The following NAA35 variants were observed in gnomAD, a reference collection of about 807,000 sequenced individuals.
NAA35 encodes the protein MAK10 homolog, amino-acid N-acetyltransferase subunit.
In NAA35, 18 loss-of-function variants were observed where a neutral mutation model predicts 101.7. The ratio of observed to expected loss-of-function variants is 0.18; its 90% CI spans 0.12 to 0.26. NAA35 has a LOEUF of 0.26. Among genes scored for constraint, NAA35 ranks in the 10% least tolerant of loss-of-function variants. The pLI is 1.00. For missense variants in NAA35, 601 were observed against 886.8 expected (o/e 0.68, Z 4.09); for synonymous variants, 267 against 273.1 (o/e 0.98, Z 0.22).
At chr9:85,984,921 A>T (rs1830587253) in intron 11 of NAA35, among the ~76,000 whole-genome samples, 1 of 152,192 alleles carries the variant, frequency 6.6e-6, no homozygotes, top group Admixed American at 6.5e-5. Context: ...AAAGCTATGG[A>T]ACTCTTAAAA....
chr9:86,017,767 G>C (rs1832301425), intron 19 of NAA35, among the ~76,000 whole-genome samples: 1 of 152,106 alleles, frequency 6.6e-6, no homozygotes, highest in African/African-American at 2.4e-5. Flanking sequence ...ACTTTGTACT[G>C]AGTACATTGC....
intron 11 of NAA35, among the ~76,000 whole-genome samples, chr9:85,989,002 T>C (rs1386624007): frequency 6.6e-6 from 1 of 152,214 alleles, no homozygotes; most frequent in East Asian, 1.9e-4. Context: ...ATTAAATCCA[T>C]GAGTGTCCAT....
chr9:85,971,519 A>G (rs1419610820), intron 6 of NAA35, among the ~76,000 whole-genome samples: 1 of 152,188 alleles, frequency 6.6e-6, no homozygotes, highest in Non-Finnish European at 1.5e-5. Flanking sequence ...GGCATTCAGT[A>G]TCAACTAACT....
intron 6 of NAA35, among the ~76,000 whole-genome samples, chr9:85,963,077 T>G (rs913232878): frequency 1.3e-5 from 2 of 152,186 alleles, no homozygotes; most frequent in African/African-American, 4.8e-5. Flanking sequence ...TATTGATAAC[T>G]ATTTTTGTTA....
At chr9:85,964,730 T>C (rs1829671379) in intron 6 of NAA35, among the ~76,000 whole-genome samples, 1 of 152,218 alleles carries the variant, frequency 6.6e-6, no homozygotes, top group African/African-American at 2.4e-5. Context: ...TTGTGCAATC[T>C]TGGCTGGAAT....
intron 19 of NAA35, among the ~76,000 whole-genome samples, chr9:86,017,923 T>G (rs1832309654): frequency 6.6e-6 from 1 of 152,158 alleles, no homozygotes; most frequent in African/African-American, 2.4e-5. Flanking sequence ...AATTTAGGTT[T>G]TTTAGGAGTG....
intron 2 of NAA35, among the ~76,000 whole-genome samples, chr9:85,956,046 C>T (rs1467223046): frequency 6.6e-6 from 1 of 152,058 alleles, no homozygotes; most frequent in Admixed American, 6.5e-5. Context: ...GTTTACTTGG[C>T]GAAATATACT....
chr9:86,010,421 C>T (rs1831852545), intron 15 of NAA35, among the ~76,000 whole-genome samples: 1 of 151,910 alleles, frequency 6.6e-6, no homozygotes, highest in African/African-American at 2.4e-5. Context: ...TTATTAGCTA[C>T]AGAGGCAGCC....
At chr9:85,974,903 T>A in intron 6 of NAA35, 64 bp from the exon 7 acceptor site, 1 of 1,119,276 alleles carries the variant, frequency 8.9e-7, no homozygotes, top group Non-Finnish European at 1.3e-6. Flanking sequence ...AGAAAAGTTT[T>A]ATATTTTGCC....
intron 2 of NAA35, among the ~76,000 whole-genome samples, chr9:85,949,648 A>G (rs2118278125): frequency 6.6e-6 from 1 of 151,690 alleles, no homozygotes; most frequent in Non-Finnish European, 1.5e-5. Flanking sequence ...CAGATCTTTC[A>G]TTGCACTTTT....
At chr9:85,967,536 G>A (rs1373677411) in intron 6 of NAA35, among the ~76,000 whole-genome samples, 1 of 152,060 alleles carries the variant, frequency 6.6e-6, no homozygotes, top group Non-Finnish European at 1.5e-5. Context: ...GGCCGGGCGC[G>A]GTGGCTCACG....
chr9:85,946,518 G>A (rs1266901082), intron 2 of NAA35, among the ~76,000 whole-genome samples: 1 of 152,104 alleles, frequency 6.6e-6, no homozygotes, highest in Non-Finnish European at 1.5e-5. Context: ...AGTCTAGGAG[G>A]ATATGGGCCC....
intron 14 of NAA35, 52 bp downstream of exon 14, chr9:86,007,516 C>G: frequency 7.4e-7 from 1 of 1,359,686 alleles, no homozygotes; most frequent in East Asian, 2.3e-5. Context: ...CTTTAAAAGC[C>G]CAACTTCTCT....
chr9:86,019,184 C>T (rs112079483), intron 21 of NAA35, among the ~76,000 whole-genome samples: 37 of 152,222 alleles, frequency 2.4e-4, no homozygotes, highest in African/African-American at 8.7e-4. Context: ...AGGGGCCAGG[C>T]GTGGTGGCTC....
rs751698413 is a variant in NAA35 at position 85,978,310 on chromosome 9, C to T, written c.806C>T (p.Ala269Val). 1 of 1,613,390 alleles carries T rather than the reference C, an allele frequency of 6.2e-7. No homozygotes were observed. The highest frequency in any genetic ancestry group is 8.5e-7 in the Non-Finnish European group (1 of 1,179,504). ...GCTCAAAAATTGATGGTTCAAGCAG[C>T]AGATCTTCTTTCTGCCATTCATAAT... Reference protein sequence around the residue: ...AEAQKLMVQAADLLSAIHNSL... With the variant: ...AEAQKLMVQAVDLLSAIHNSL... Residue 269 changes from alanine to valine, a missense_variant, in exon 11 of 23, where the codon GCA (alanine) becomes GTA (valine). Coordinates refer to ENST00000361671, the MANE Select transcript of NAA35 (RefSeq NM_024635.4).
chr9:85,966,123 T>TAAAA lies in NAA35; in HGVS notation c.516+3946_516+3947insAAAA, dbSNP rs1158626008. On this transcript the variant is annotated intron_variant, in intron 6 of 22. Transcript: ENST00000361671. ...CGTGGCTAATTTTTAATTTTTTTTG[T>TAAAA]AAAGACTGGGTTTTGCTTTGTTTGC... 7.2e-5 allele frequency among the ~76,000 whole-genome samples: 11 copies of TAAAA among 152,262 alleles called. 1 individual carries two copies. In the South Asian group the frequency reaches 1.9e-3, roughly 26 times the overall value.
chr9:86,006,530 G>A (rs190109191), intron 13 of NAA35, among the ~76,000 whole-genome samples: 1 of 152,278 alleles, frequency 6.6e-6, no homozygotes, highest in East Asian at 1.9e-4. Context: ...ATTATGCTGG[G>A]TAAAAGAAGC....
Position 86,023,250 on chromosome 9 carries a change from T to A in NAA35, c.*1290T>A, listed in dbSNP as rs536758908. 1.2e-4 allele frequency among the ~76,000 whole-genome samples: 18 copies of A among 152,200 alleles called. No homozygotes were observed. Among genetic ancestry groups the A allele is most frequent in the African/African-American group, 2.9e-4 (12 of 41,504 alleles). On this transcript the variant is annotated 3_prime_UTR_variant, in exon 23 of 23. Coordinates refer to ENST00000361671, the MANE Select transcript of NAA35 (RefSeq NM_024635.4). ...CAGAACCGAAAAATCTTAAAAAAAA[T>A]TATTTTTTAAGTAGCCTGTACAATA...
intron 11 of NAA35, among the ~76,000 whole-genome samples, chr9:85,983,406 C>G (rs1830516386): frequency 6.6e-6 from 1 of 151,986 alleles, no homozygotes. Flanking sequence ...CAGCAATTCC[C>G]TTGATAAAAT....
Sources: gnomAD v4.1 joint callset for allele counts (sites outside exome capture counted in the v4.1 genomes callset) on GRCh38, gnomAD v4.1.1 for gene constraint, MANE v1.5 for transcripts, NCBI Gene and HGNC (gene_info 2026-07-23, HGNC 2026-07-21) for gene names.